Variants in RGPD3 observed in about 807,000 individuals in gnomAD.
The protein encoded by RGPD3 is RANBP2 like and GRIP domain containing 3.
In RGPD3, 62 loss-of-function variants were observed where a neutral mutation model predicts 154.5. That is an observed-to-expected ratio of 0.40 (90% CI 0.33 to 0.50). The LOEUF is 0.50. Among genes scored for constraint, RGPD3 ranks in the 20% least tolerant of loss-of-function variants. The probability of loss-of-function intolerance (pLI) is 0.59; values close to 1 mark genes in which losing one functional copy is unlikely to be tolerated. For synonymous variants in RGPD3, 308 were observed against 607.0 expected (o/e 0.51, Z 7.24); for missense variants, 919 against 1,716.8 (o/e 0.54, Z 8.21).
At chr2:106,415,120 G>A (rs1468189904) in intron 21 of RGPD3, among the ~76,000 whole-genome samples, 1 of 151,004 alleles carries the variant, frequency 6.6e-6, no homozygotes, top group Non-Finnish European at 1.5e-5. Flanking sequence ...ATTCCTAGAT[G>A]TTTCTGGTGT....
chr2:106,411,478 CAATT>C (rs1172086086), intron 22 of RGPD3, among the ~76,000 whole-genome samples: 1 of 146,116 alleles, frequency 6.8e-6, no homozygotes, highest in Non-Finnish European at 1.5e-5. Context: ...CCACTTTCTT[CAATT>C]AATAAGTGGC....
intron 1 of RGPD3, among the ~76,000 whole-genome samples, chr2:106,464,012 C>G (rs1355616594): frequency 6.6e-6 from 1 of 152,126 alleles, no homozygotes; most frequent in African/African-American, 2.4e-5. Flanking sequence ...ACCAAAGTGT[C>G]TGAGGACAGT....
At chr2:106,466,826 C>T (rs1199260022) in intron 1 of RGPD3, among the ~76,000 whole-genome samples, 2 of 72,594 alleles carry the variant, frequency 2.8e-5, no homozygotes, top group Non-Finnish European at 5.5e-5. Flanking sequence ...CTCAACAGAG[C>T]GCGCCAGGGA....
At chr2:106,419,938 TTG>T (rs1211619413) in intron 20 of RGPD3, among the ~76,000 whole-genome samples, 2 of 150,378 alleles carry the variant, frequency 1.3e-5, no homozygotes, top group African/African-American at 2.5e-5. Flanking sequence ...CAAAAAAATC[TTG>T]TGTTTACTTA....
At chr2:106,415,473 C>T (rs903328564) in intron 21 of RGPD3, among the ~76,000 whole-genome samples, 12 of 151,838 alleles carry the variant, frequency 7.9e-5, no homozygotes, top group Admixed American at 2.0e-4. Context: ...GTCAGGAGAT[C>T]GAGACCATCC....
intron 11 of RGPD3, 59 bp downstream of exon 11, chr2:106,436,355 T>A (rs1677552003): frequency 3.1e-6 from 5 of 1,610,352 alleles, no homozygotes; most frequent in Non-Finnish European, 4.2e-6. Context: ...ACACGAGGAT[T>A]AAATCCCCGG....
chr2:106,467,703 C>CGCA (rs1678672403), intron 1 of RGPD3, among the ~76,000 whole-genome samples: 1 of 119,988 alleles, frequency 8.3e-6, no homozygotes, highest in Non-Finnish European at 1.7e-5. Flanking sequence ...AGGCAGCCGC[C>CGCA]GGGCCAGGTC....
chr2:106,439,881 A>C (rs1677686720), intron 8 of RGPD3, among the ~76,000 whole-genome samples: 1 of 142,792 alleles, frequency 7.0e-6, no homozygotes, highest in African/African-American at 2.5e-5. Flanking sequence ...AAAAAAAAAA[A>C]GAATTATTTC....
At chr2:106,467,877 C>T (rs1327561198) in intron 1 of RGPD3, among the ~76,000 whole-genome samples, 8 of 125,858 alleles carry the variant, frequency 6.4e-5, no homozygotes, top group African/African-American at 2.5e-4. Flanking sequence ...CCATCGAGGC[C>T]GCCGCAGGGC....
In RGPD3 at chr2:106,404,615, T is replaced by C. The variant is rs1415667037; in HGVS notation, c.*604A>G. 0.066 allele frequency among the ~76,000 whole-genome samples: 5,146 copies of C among 78,486 alleles called. 12 individuals carry two copies. The highest frequency in any genetic ancestry group is 0.079 in the Non-Finnish European group (2,747 of 34,638). The allele number at this position is 78,486 out of a possible 152,430, so 51.5% of individuals were successfully genotyped here. A position where few individuals can be genotyped will look rare whatever the true frequency, so the allele number is the denominator to read the frequency against. On this transcript the variant is annotated 3_prime_UTR_variant, in exon 23 of 23. Transcript: ENST00000409886. ...GACCTTGCAATAAATAGTCATAAAA[T>C]GTTATTTTTATTACTATTATTATTT...
intron 20 of RGPD3, among the ~76,000 whole-genome samples, chr2:106,420,536 A>G (rs1676949116): frequency 6.6e-6 from 1 of 152,184 alleles, no homozygotes; most frequent in African/African-American, 2.4e-5. Flanking sequence ...AAAACCTCAC[A>G]AGGTGGCTAG....
At chr2:106,447,876 T>C (rs1677981690) in intron 6 of RGPD3, among the ~76,000 whole-genome samples, 3 of 151,962 alleles carry the variant, frequency 2.0e-5, no homozygotes, top group Admixed American at 2.0e-4. Flanking sequence ...ACAGGATAAA[T>C]ATAAGATCAG....
At chr2:106,411,368 A>G (rs1302008728) in intron 22 of RGPD3, among the ~76,000 whole-genome samples, 1 of 135,602 alleles carries the variant, frequency 7.4e-6, no homozygotes, top group African/African-American at 2.8e-5. Context: ...CATCCCACCT[A>G]ATTGCACCTG....
chr2:106,406,800 T>A (rs1676529041), intron 22 of RGPD3, among the ~76,000 whole-genome samples: 1 of 152,344 alleles, frequency 6.6e-6, no homozygotes, highest in South Asian at 2.1e-4. Context: ...CCAGACACCA[T>A]TCTGTGTTTT....
intron 18 of RGPD3, among the ~76,000 whole-genome samples, chr2:106,427,273 A>G (rs892560194): frequency 2.6e-5 from 4 of 151,868 alleles, no homozygotes; most frequent in Admixed American, 6.6e-5. Flanking sequence ...ACGAGGTTGC[A>G]TTGTGCAAAT....
At chr2:106,451,757 T>C (rs1291123519) in intron 6 of RGPD3, among the ~76,000 whole-genome samples, 1 of 151,938 alleles carries the variant, frequency 6.6e-6, no homozygotes, top group Admixed American at 6.5e-5. Flanking sequence ...AGTTCAGTTA[T>C]TTTGTTTCTT....
At chr2:106,414,626 A>G (rs1228455914) in intron 21 of RGPD3, among the ~76,000 whole-genome samples, 3 of 151,478 alleles carry the variant, frequency 2.0e-5, no homozygotes, top group Non-Finnish European at 4.4e-5. Flanking sequence ...TCTCAAAAAA[A>G]AAAAAGAAAA....
At chr2:106,467,602 A>G (rs866450896) in intron 1 of RGPD3, among the ~76,000 whole-genome samples, 2,625 of 123,494 alleles carry the variant, frequency 0.021, 90 homozygotes, top group Non-Finnish European at 0.034. Context: ...CTGAGCCATC[A>G]AGGCAGCCGC....
intron 20 of RGPD3, among the ~76,000 whole-genome samples, chr2:106,420,733 G>A (rs1426139434): frequency 1.3e-5 from 2 of 152,250 alleles, no homozygotes; most frequent in Non-Finnish European, 2.9e-5. Context: ...CTTTTTAACT[G>A]TTTCTTTTTA....
Sources: allele counts gnomAD v4.1 joint callset (sites outside exome capture counted in the v4.1 genomes callset), GRCh38; gene constraint gnomAD v4.1.1; transcripts MANE v1.5; gene names NCBI Gene and HGNC (gene_info 2026-07-23, HGNC 2026-07-21).